Variants in CMSS1 observed in about 807,000 individuals in gnomAD.
CMSS1 encodes protein CMSS1.
CMSS1 carries 33 observed loss-of-function variants against 43.5 expected under a neutral mutation model. The observed-to-expected ratio is 0.76, with a 90% confidence interval of 0.57 to 1.01. The LOEUF (loss-of-function observed/expected upper bound fraction) is 1.01, where lower values mean the gene tolerates loss of function less well. CMSS1 is among the 50% of genes least tolerant of loss of function. CMSS1 has a pLI of 0.00. For missense variants in CMSS1, 313 were observed against 326.4 expected, an observed-to-expected ratio of 0.96 and a Z score of 0.32; for synonymous variants, 115 against 117.2, an observed-to-expected ratio of 0.98 and a Z score of 0.12.
intron 1 of CMSS1, among the ~76,000 whole-genome samples, chr3:100,028,118 A>G (rs1295281582): frequency 6.6e-6 from 1 of 152,224 alleles, no homozygotes; most frequent in African/African-American, 2.4e-5. Flanking sequence ...AACATTTATT[A>G]AACACTAATG....
chr3:100,141,799 GGAA>G (rs1482875688), intron 1 of CMSS1, among the ~76,000 whole-genome samples: 1 of 152,090 alleles, frequency 6.6e-6, no homozygotes, highest in Non-Finnish European at 1.5e-5. Context: ...AAGGAGTTGG[GGAA>G]GAGGCAGTGC....
chr3:99,826,337 A>G (rs907973757), intron 1 of CMSS1, among the ~76,000 whole-genome samples: 2 of 152,184 alleles, frequency 1.3e-5, no homozygotes, highest in Non-Finnish European at 2.9e-5. Flanking sequence ...AACTTTTTTC[A>G]TATAAATCCA....
At chr3:100,044,947 A>G (rs1029485680) in intron 1 of CMSS1, among the ~76,000 whole-genome samples, 1 of 152,162 alleles carries the variant, frequency 6.6e-6, no homozygotes, top group African/African-American at 2.4e-5. Flanking sequence ...TTCTGATATG[A>G]GGTGCTGTTT....
chr3:99,982,236 C>G (rs1486177250), intron 1 of CMSS1, among the ~76,000 whole-genome samples: 1 of 151,792 alleles, frequency 6.6e-6, no homozygotes, highest in Non-Finnish European at 1.5e-5. Flanking sequence ...TTGTACACAT[C>G]TTTTTTTATG....
At chr3:99,938,784 T>G (rs1707770008) in intron 1 of CMSS1, among the ~76,000 whole-genome samples, 1 of 152,060 alleles carries the variant, frequency 6.6e-6, no homozygotes, top group Non-Finnish European at 1.5e-5. Context: ...TGTGCTCACA[T>G]GGCCAGATTA....
intron 1 of CMSS1, chr3:99,850,231 G>T: frequency 6.2e-7 from 1 of 1,613,538 alleles, no homozygotes; most frequent in Non-Finnish European, 8.5e-7. Flanking sequence ...AGTGAATTCT[G>T]TCTTTTCTAG....
At chr3:99,898,885 G>A (rs932530063) in intron 1 of CMSS1, 14 of 152,044 alleles carry the variant, frequency 9.2e-5, no homozygotes, top group African/African-American at 3.4e-4. Flanking sequence ...AATTGAATGA[G>A]GTATATTGCA....
At chr3:100,083,082 TAAATA>T (rs2065956291) in intron 1 of CMSS1, among the ~76,000 whole-genome samples, 1 of 152,220 alleles carries the variant, frequency 6.6e-6, no homozygotes. Flanking sequence ...TTTCCAGGTC[TAAATA>T]AAATCATGTA....
chr3:99,892,724 TCTCACCCACC>T (rs1405618114), intron 1 of CMSS1, among the ~76,000 whole-genome samples: 16 of 152,088 alleles, frequency 1.1e-4, no homozygotes, highest in African/African-American at 3.9e-4. Context: ...CCTTACTCCA[TCTCACCCACC>T]CTCAAAGGCT....
At chr3:99,929,941 T>A in intron 1 of CMSS1, 7 of 1,613,524 alleles carry the variant, frequency 4.3e-6, no homozygotes, top group Non-Finnish European at 5.9e-6. Flanking sequence ...CTCTAACACC[T>A]TTTTTGGAGT....
chr3:99,890,209 G>A (rs1706039914), intron 1 of CMSS1, among the ~76,000 whole-genome samples: 1 of 151,940 alleles, frequency 6.6e-6, no homozygotes. Context: ...CCAACTTCTG[G>A]TTTCCCATTT....
chr3:100,084,606 G>T (rs1380422331), intron 1 of CMSS1, among the ~76,000 whole-genome samples: 3 of 152,280 alleles, frequency 2.0e-5, no homozygotes, highest in African/African-American at 7.2e-5. Context: ...TTATAAAGAG[G>T]AACTGATGTG....
chr3:100,090,729 C>A (rs2066089591), intron 1 of CMSS1, among the ~76,000 whole-genome samples: 1 of 152,134 alleles, frequency 6.6e-6, no homozygotes, highest in African/African-American at 2.4e-5. Flanking sequence ...CTCAGGAAAA[C>A]CTCTCCATCA....
chr3:100,181,390 T>A lies in CMSS1; in HGVS notation c.*3002T>A, dbSNP rs1262866067. The stretch of plus-strand genomic sequence containing the variant: ...TCCCCTTCCCTGAGCTTTCCCTGTG[T>A]TAAATTCTTGTATAACCATAATAGA... On this transcript the variant is annotated 3_prime_UTR_variant, in exon 10 of 10. Coordinates refer to ENST00000421999, the MANE Select transcript of CMSS1 (RefSeq NM_032359.4). 6.6e-6 allele frequency: 1 copy of A among 152,220 alleles called. No homozygotes were observed. Among genetic ancestry groups the A allele is most frequent in the Non-Finnish European group, 1.5e-5 (1 of 68,030 alleles). 9.4% of individuals were successfully genotyped at this position (152,220 alleles called of 1,614,324 possible). A position where few individuals can be genotyped will look rare whatever the true frequency, so the allele number is the denominator to read the frequency against.
chr3:99,930,589 G>A (rs1322688233), intron 1 of CMSS1, among the ~76,000 whole-genome samples: 3 of 152,160 alleles, frequency 2.0e-5, no homozygotes, highest in Non-Finnish European at 4.4e-5. Flanking sequence ...AGCCCCTTTA[G>A]ATGGGATTAA....
chr3:99,837,242 G>A (rs980292442), intron 1 of CMSS1, among the ~76,000 whole-genome samples: 1 of 152,076 alleles, frequency 6.6e-6, no homozygotes, highest in Non-Finnish European at 1.5e-5. Flanking sequence ...TGCCCTAAAG[G>A]AATAACTATC....
At chr3:100,126,423 T>G (rs1034070724) in intron 1 of CMSS1, among the ~76,000 whole-genome samples, 1 of 152,236 alleles carries the variant, frequency 6.6e-6, no homozygotes, top group African/African-American at 2.4e-5. Flanking sequence ...ATTGTCATTT[T>G]AGCTTATGCA....
At chr3:99,975,760 T>C (rs1216205754) in intron 1 of CMSS1, among the ~76,000 whole-genome samples, 1 of 152,246 alleles carries the variant, frequency 6.6e-6, no homozygotes, top group East Asian at 1.9e-4. Flanking sequence ...GTCATTCTAA[T>C]AGTGACATTC....
intron 1 of CMSS1, among the ~76,000 whole-genome samples, chr3:99,912,065 T>C (rs556165741): frequency 9.2e-5 from 14 of 152,320 alleles, no homozygotes; most frequent in Admixed American, 6.5e-4. Context: ...TCATGAGAAA[T>C]CTACATTATC....
Sources: gnomAD v4.1 joint callset for allele counts (sites outside exome capture counted in the v4.1 genomes callset) on GRCh38, gnomAD v4.1.1 for gene constraint, MANE v1.5 for transcripts, NCBI Gene and HGNC (gene_info 2026-07-23, HGNC 2026-07-21) for gene names.